CHSY3: variants seen among roughly 807,000 people sequenced by gnomAD.
CHSY3 encodes chondroitin sulfate synthase 3, also known as N-acetylgalactosaminyl-proteoglycan 3-beta-glucuronosyltransferase 3.
In CHSY3, 35 loss-of-function variants were observed where a neutral mutation model predicts 67.2. The observed-to-expected ratio is 0.52, with a 90% CI of 0.40 to 0.69. The LOEUF is 0.69. CHSY3 is among the 30% of genes least tolerant of loss of function. The pLI is 0.00. For missense variants in CHSY3, 1,069 were observed against 1,138.5 expected (o/e 0.94, Z 0.88); for synonymous variants, 474 against 434.7 (o/e 1.09, Z -1.12).
At chr5:130,015,764 T>C (rs564016815) in intron 2 of CHSY3, among the ~76,000 whole-genome samples, 95 of 152,326 alleles carry the variant, frequency 6.2e-4, no homozygotes, top group African/African-American at 2.3e-3. Flanking sequence ...ATCATTCTAC[T>C]GTAAAGATAC....
At chr5:129,977,463 G>A (rs561380390) in intron 2 of CHSY3, among the ~76,000 whole-genome samples, 2 of 152,210 alleles carry the variant, frequency 1.3e-5, no homozygotes, top group East Asian at 1.9e-4. Context: ...TAATATATCT[G>A]CATTACATAA....
intron 2 of CHSY3, among the ~76,000 whole-genome samples, chr5:129,985,616 C>T (rs1763176021): frequency 6.6e-6 from 1 of 151,978 alleles, no homozygotes; most frequent in African/African-American, 2.4e-5. Flanking sequence ...TTCCTTTGTG[C>T]AGTATGGCCA....
At position 129,904,604 on chromosome 5, in the gene CHSY3, T is replaced by A; in HGVS notation, c.-226T>A. 1 of 651,416 alleles carries A rather than the reference T, an allele frequency of 1.5e-6. No individual in the cohort carries two copies. Among genetic ancestry groups the A allele is most frequent in the Non-Finnish European group, 2.1e-6 (1 of 471,140 alleles). The allele number at this position is 651,416 out of a possible 1,614,324, so 40.4% of individuals were successfully genotyped here. On this transcript the variant is annotated 5_prime_UTR_variant, in exon 1 of 3. Transcript: ENST00000305031. ...CGGGAGAAGTTTCACTCCCGACCCT[T>A]GCTCGGAGCCCCGGCCCAGAGCTGA...
At chr5:130,069,524 C>T (rs1199908667) in intron 2 of CHSY3, among the ~76,000 whole-genome samples, 1 of 151,872 alleles carries the variant, frequency 6.6e-6, no homozygotes, top group Non-Finnish European at 1.5e-5. Context: ...ATAAAAATAA[C>T]TTACATGGAA....
chr5:130,127,751 G>A (rs980616008), intron 2 of CHSY3, among the ~76,000 whole-genome samples: 4 of 152,124 alleles, frequency 2.6e-5, no homozygotes, highest in African/African-American at 9.7e-5. Flanking sequence ...ATTAAAACCT[G>A]TTTCTGGTGC....
At position 129,904,785 on chromosome 5, in the gene CHSY3, C is replaced by G. The variant is rs1284015024; in HGVS notation, c.-45C>G. 4 of 1,312,016 alleles carry G rather than the reference C, an allele frequency of 3.0e-6. No individual in the cohort carries two copies. The highest frequency in any genetic ancestry group is 3.9e-6 in the Non-Finnish European group (4 of 1,031,570). 81.3% of individuals were successfully genotyped at this position (1,312,016 alleles called of 1,614,324 possible). On this transcript the variant is annotated 5_prime_UTR_variant, in exon 1 of 3. Coordinates refer to ENST00000305031, the MANE Select transcript of CHSY3 (RefSeq NM_175856.5). The stretch of plus-strand genomic sequence containing the variant: ...GGTGTGAGCCGGGGAAACCGCGTGC[C>G]GCGCCGCGACAGCCCAGCGAGCGTC...
chr5:130,046,824 T>C (rs575451211), intron 2 of CHSY3, among the ~76,000 whole-genome samples: 2 of 152,222 alleles, frequency 1.3e-5, no homozygotes, highest in East Asian at 3.9e-4. Context: ...GATTATTTTG[T>C]GATCTCTTAA....
intron 2 of CHSY3, among the ~76,000 whole-genome samples, chr5:130,042,861 A>G (rs1215180529): frequency 1.3e-5 from 2 of 152,088 alleles, no homozygotes; most frequent in Non-Finnish European, 2.9e-5. Context: ...TCATTAGTAT[A>G]AACACAAAGA....
chr5:130,033,741 A>G (rs531625995), intron 2 of CHSY3, among the ~76,000 whole-genome samples: 1 of 151,840 alleles, frequency 6.6e-6, no homozygotes, highest in African/African-American at 2.4e-5. Context: ...AGACTTTTTA[A>G]ATGATTTCCA....
chr5:130,177,084 CTTAG>C (rs1243133937), intron 2 of CHSY3, among the ~76,000 whole-genome samples: 1 of 151,794 alleles, frequency 6.6e-6, no homozygotes, highest in African/African-American at 2.4e-5. Flanking sequence ...TTTCTATTGA[CTTAG>C]TTAACTTTCC....
At chr5:130,017,836 C>T (rs1038020162) in intron 2 of CHSY3, among the ~76,000 whole-genome samples, 19 of 151,868 alleles carry the variant, frequency 1.3e-4, no homozygotes, top group Middle Eastern at 3.2e-3. Flanking sequence ...AACATAACTC[C>T]AGAAAGCAAG....
At chr5:130,119,839 G>A (rs1161996445) in intron 2 of CHSY3, among the ~76,000 whole-genome samples, 1 of 151,732 alleles carries the variant, frequency 6.6e-6, no homozygotes, top group Admixed American at 6.6e-5. Flanking sequence ...TTTAGTCTAC[G>A]CAAAAAGGCA....
chr5:130,155,254 T>G (rs577858045), intron 2 of CHSY3, among the ~76,000 whole-genome samples: 1 of 152,282 alleles, frequency 6.6e-6, no homozygotes, highest in East Asian at 1.9e-4. Context: ...CTTTACATAT[T>G]TAGGAAGCCC....
At chr5:130,148,406 T>C (rs551447188) in intron 2 of CHSY3, among the ~76,000 whole-genome samples, 6 of 152,374 alleles carry the variant, frequency 3.9e-5, no homozygotes, top group Non-Finnish European at 8.8e-5. Flanking sequence ...TTTGGGTATA[T>C]ACCCAGTAAT....
At chr5:130,116,402 T>A (rs1396256864) in intron 2 of CHSY3, among the ~76,000 whole-genome samples, 1 of 152,220 alleles carries the variant, frequency 6.6e-6, no homozygotes. Flanking sequence ...ATTTTTTATA[T>A]CCAGTATTCA....
intron 2 of CHSY3, among the ~76,000 whole-genome samples, chr5:130,144,282 A>G (rs1487616321): frequency 6.6e-6 from 1 of 152,110 alleles, no homozygotes; most frequent in East Asian, 1.9e-4. Flanking sequence ...CCTGCTACTT[A>G]TCCCCCACAA....
At chr5:130,119,042 G>A (rs142600994) in intron 2 of CHSY3, among the ~76,000 whole-genome samples, 144 of 152,238 alleles carry the variant, frequency 9.5e-4, no homozygotes, top group African/African-American at 3.4e-3. Flanking sequence ...TGACTTAGAG[G>A]CAAAGGATAT....
intron 2 of CHSY3, among the ~76,000 whole-genome samples, chr5:130,052,750 T>G (rs58610311): frequency 5.0e-4 from 76 of 152,312 alleles, no homozygotes; most frequent in African/African-American, 1.8e-3. Context: ...TTAAATATTA[T>G]AATCAGATAA....
chr5:130,116,439 A>G (rs1767804382), intron 2 of CHSY3, among the ~76,000 whole-genome samples: 1 of 152,194 alleles, frequency 6.6e-6, no homozygotes, highest in African/African-American at 2.4e-5. Flanking sequence ...TTTCCTATGG[A>G]CTATACAATA....
Sources: gnomAD v4.1 joint callset for allele counts (sites outside exome capture counted in the v4.1 genomes callset) on GRCh38, gnomAD v4.1.1 for gene constraint, MANE v1.5 for transcripts, NCBI Gene and HGNC (gene_info 2026-07-23, HGNC 2026-07-21) for gene names.